PCDHGB2: variants seen among roughly 807,000 people sequenced by gnomAD.
The protein encoded by PCDHGB2 is protocadherin gamma subfamily B, 2.
In PCDHGB2, 55 loss-of-function variants were observed where a neutral mutation model predicts 59.3. That is an observed-to-expected ratio of 0.93 (90% CI 0.75 to 1.16). The LOEUF (loss-of-function observed/expected upper bound fraction) is 1.16, where lower values mean the gene tolerates loss of function less well. Ranked by LOEUF, PCDHGB2 falls within the 50% of genes most tolerant of loss-of-function variation. The pLI is 0.00. For synonymous variants in PCDHGB2, 516 were observed against 512.0 expected, an observed-to-expected ratio of 1.01 and a Z score of -0.11; for missense variants, 1,228 against 1,198.5, an observed-to-expected ratio of 1.02 and a Z score of -0.36.
chr5:141,367,006 C>A (rs1157671027), intron 1 of PCDHGB2: 2 of 429,920 alleles, frequency 4.7e-6, no homozygotes, highest in Non-Finnish European at 4.0e-6. Flanking sequence ...ATCATTTTAC[C>A]CAAATATTTT....
In PCDHGB2 at chr5:141,431,819, A is replaced by C. The variant is rs2097420237; in HGVS notation, c.2422-62988A>C. On this transcript the variant is annotated intron_variant, in intron 1 of 3. Transcript: ENST00000522605. The surrounding 1 kb of genome is among the most constrained non-coding windows in gnomAD (Gnocchi z 4.8). ...AGAAGTGGTCCTCACCTCTCTCGCC[A>C]GCTCGGTTCCCGAAAACTCTCCCAG... 6.2e-7 allele frequency: 1 copy of C among 1,614,154 alleles called. No individual in the cohort carries two copies. Among genetic ancestry groups the C allele is most frequent in the Admixed American group, 1.7e-5 (1 of 60,018 alleles).
chr5:141,363,552 C>T (rs1762968351), intron 1 of PCDHGB2, among the ~76,000 whole-genome samples: 1 of 152,190 alleles, frequency 6.6e-6, no homozygotes, highest in Admixed American at 6.5e-5. Context: ...AATATTTGAA[C>T]ATGGTAATAG....
At chr5:141,387,891 A>T (rs774395551) in intron 1 of PCDHGB2, 36 of 1,554,882 alleles carry the variant, frequency 2.3e-5, no homozygotes, top group Non-Finnish European at 2.9e-5. Context: ...AGGGATGGGG[A>T]GCGGCGCCGG....
chr5:141,505,507 A>G, intron 3 of PCDHGB2, 26 bp downstream of exon 3: 1 of 1,614,004 alleles, frequency 6.2e-7, no homozygotes, highest in South Asian at 1.1e-5. Flanking sequence ...GTGTGTATGG[A>G]AGAGTGGGAG....
Position 141,485,486 on chromosome 5 carries a change from C to T in PCDHGB2, c.2422-9321C>T, listed in dbSNP as rs2099614522. 6 of 1,614,102 alleles carry T rather than the reference C, an allele frequency of 3.7e-6. No individual in the cohort carries two copies. The highest frequency in any genetic ancestry group is 2.2e-5 in the East Asian group (1 of 44,866). The stretch of plus-strand genomic sequence containing the variant: ...TGGGCTCAGTGCCAGCTGCATCGTG[C>T]CCCTGGAGTTTGTCACCGAAGGTCC... On this transcript the variant is annotated intron_variant, in intron 1 of 3. Coordinates refer to ENST00000522605, the MANE Select transcript of PCDHGB2 (RefSeq NM_018923.3). This position sits in a 1 kb window ranked among gnomAD's most constrained non-coding sequence, Gnocchi z 5.7.
chr5:141,423,310 G>C, intron 1 of PCDHGB2: 2 of 1,614,180 alleles, frequency 1.2e-6, no homozygotes, highest in Non-Finnish European at 1.7e-6. Context: ...GCTGTACTTG[G>C]TGGTGGCGGT....
At position 141,487,621 on chromosome 5, in the gene PCDHGB2, A is replaced by G; in HGVS notation, c.2422-7186A>G. The G allele has an allele frequency of 6.2e-7, 1 of 1,614,164 alleles. No individual in the cohort carries two copies. On this transcript the variant is annotated intron_variant, in intron 1 of 3. Transcript: ENST00000522605. This position sits in a 1 kb window ranked among gnomAD's most constrained non-coding sequence, Gnocchi z 5.0. ...ATCTTCTCTATGGGCTAGAGGTGAG[A>G]CCTTTGCAGGCTCAACAAATGCTTG... is the stretch of plus-strand genomic sequence containing the variant.
chr5:141,475,550 T>G (rs2099365082), intron 1 of PCDHGB2, among the ~76,000 whole-genome samples: 1 of 152,246 alleles, frequency 6.6e-6, no homozygotes, highest in Non-Finnish European at 1.5e-5. Flanking sequence ...AGGGTCCGGC[T>G]AATTGTCTGT....
chr5:141,490,576 G>T lies in PCDHGB2; in HGVS notation c.2422-4231G>T. On this transcript the variant is annotated intron_variant, in intron 1 of 3. Transcript: ENST00000522605. The surrounding 1 kb of genome is among the most constrained non-coding windows in gnomAD (Gnocchi z 5.4). ...TCTCACCATCAGGCTCAACATTTCA[G>T]ATGTCAATGACAATGCACCCCGCTT... 2.5e-6 allele frequency: 4 copies of T among 1,614,134 alleles called. No homozygotes were observed. The highest frequency in any genetic ancestry group is 3.4e-6 in the Non-Finnish European group (4 of 1,180,030).
chr5:141,403,753 C>T lies in PCDHGB2; in HGVS notation c.2421+41197C>T, dbSNP rs767515334. 1.5e-5 allele frequency: 25 copies of T among 1,613,504 alleles called. No homozygotes were observed. In the South Asian group the frequency reaches 2.6e-4, roughly 17 times the overall value. On this transcript the variant is annotated intron_variant, in intron 1 of 3. Transcript: ENST00000522605. ...CCTGGCTGCTTACTGCAACAGCCAG[C>T]GACCTGGATGAGGGAATCAACGGAA...
intron 1 of PCDHGB2, among the ~76,000 whole-genome samples, chr5:141,434,409 T>G (rs2097692930): frequency 6.6e-6 from 1 of 152,232 alleles, no homozygotes; most frequent in South Asian, 2.1e-4. Context: ...TCTGCAGCAC[T>G]GTGACATGTT....
intron 1 of PCDHGB2, chr5:141,413,863 G>A (rs1367797365): frequency 1.9e-6 from 3 of 1,613,356 alleles, no homozygotes; most frequent in Admixed American, 1.7e-5. Flanking sequence ...ATCTGGCACT[G>A]TCCTTGTCAG....
intron 1 of PCDHGB2, chr5:141,419,863 G>T (rs1416582920): frequency 6.2e-7 from 1 of 1,614,108 alleles, no homozygotes; most frequent in Non-Finnish European, 8.5e-7. Flanking sequence ...CAGATAGCTT[G>T]CAAGAGGTAC....
intron 1 of PCDHGB2, among the ~76,000 whole-genome samples, chr5:141,448,700 G>A (rs2098601460): frequency 6.6e-6 from 1 of 152,106 alleles, no homozygotes; most frequent in African/African-American, 2.4e-5. Context: ...CAGCACTTTG[G>A]GAGGCCGAGG....
chr5:141,444,282 C>T (rs1341316344), intron 1 of PCDHGB2, among the ~76,000 whole-genome samples: 1 of 148,268 alleles, frequency 6.7e-6, no homozygotes, highest in African/African-American at 2.5e-5. Flanking sequence ...AGTGATTCTC[C>T]TGCCTCAGCC....
At chr5:141,472,010 C>T (rs1305786275) in intron 1 of PCDHGB2, among the ~76,000 whole-genome samples, 1 of 151,978 alleles carries the variant, frequency 6.6e-6, no homozygotes, top group Non-Finnish European at 1.5e-5. Flanking sequence ...CGTATAGGGG[C>T]ACTATATTGT....
At chr5:141,470,124 G>A (rs1038487398) in intron 1 of PCDHGB2, among the ~76,000 whole-genome samples, 4 of 151,358 alleles carry the variant, frequency 2.6e-5, no homozygotes, top group African/African-American at 9.7e-5. Flanking sequence ...GCAAGACTTC[G>A]TCTCAAAAAA....
chr5:141,455,466 A>G (rs1253494886), intron 1 of PCDHGB2, among the ~76,000 whole-genome samples: 1 of 152,164 alleles, frequency 6.6e-6, no homozygotes, highest in East Asian at 1.9e-4. Flanking sequence ...AGCCAGGTAT[A>G]TATGCAGAGG....
At position 141,422,850 on chromosome 5, in the gene PCDHGB2, G is replaced by A. The variant is rs184432819; in HGVS notation, c.2421+60294G>A. On this transcript the variant is annotated intron_variant, in intron 1 of 3. Transcript: ENST00000522605. Reference sequence around the variant, plus strand: ...TGATAGCACGTGACAGCGGGGACCCGCCCCTCAGCAGCAACGTGTCGCTGA... The same window carrying A: ...TGATAGCACGTGACAGCGGGGACCCACCCCTCAGCAGCAACGTGTCGCTGA... 154 of 1,614,204 alleles carry A rather than the reference G, an allele frequency of 9.5e-5. 1 individual carries two copies. The African/African-American group carries it at 1.3e-3, about 14-fold the overall frequency.
Sources: gnomAD v4.1 joint callset for allele counts (sites outside exome capture counted in the v4.1 genomes callset) on GRCh38, gnomAD v4.1.1 for gene constraint, Gnocchi (gnomAD v3.1) non-coding constraint, MANE v1.5 for transcripts, NCBI Gene and HGNC (gene_info 2026-07-23, HGNC 2026-07-21) for gene names.